Variants in KIAA1671 observed in about 807,000 individuals in gnomAD.
The protein encoded by KIAA1671 is KIAA1671.
A neutral mutation model predicts 131.2 loss-of-function variants in KIAA1671; 52 were observed. The observed-to-expected ratio is 0.40, with a 90% confidence interval of 0.32 to 0.50. The LOEUF is 0.50. Ranked by LOEUF, KIAA1671 falls within the 20% of genes least tolerant of loss-of-function variation. The probability of loss-of-function intolerance (pLI) is 0.73; values close to 1 mark genes in which losing one functional copy is unlikely to be tolerated. For synonymous variants in KIAA1671, 1,003 were observed against 961.6 expected, an observed-to-expected ratio of 1.04 and a Z score of -0.80; for missense variants, 2,360 against 2,364.2, an observed-to-expected ratio of 1.00 and a Z score of 0.04.
chr22:25,183,044 T>C (rs1450682163), intron 10 of KIAA1671, among the ~76,000 whole-genome samples: 3 of 151,652 alleles, frequency 2.0e-5, no homozygotes, highest in Non-Finnish European at 4.4e-5. Flanking sequence ...GGCACTTAAT[T>C]TGGGTGAGGA....
chr22:25,065,848 C>G (rs1435859080), intron 6 of KIAA1671, among the ~76,000 whole-genome samples: 1 of 152,022 alleles, frequency 6.6e-6, no homozygotes, highest in African/African-American at 2.4e-5. Context: ...AACATATTGT[C>G]CAGGTTGGTC....
intron 6 of KIAA1671, among the ~76,000 whole-genome samples, chr22:25,093,752 C>CTCTCTT (rs1568951058): frequency 6.1e-4 from 33 of 54,356 alleles, no homozygotes; most frequent in South Asian, 3.5e-3. Flanking sequence ...CTCTCTCTCT[C>CTCTCTT]TCTCTCTCTC....
At chr22:25,161,076 C>T (rs1824710445) in intron 6 of KIAA1671, among the ~76,000 whole-genome samples, 1 of 151,964 alleles carries the variant, frequency 6.6e-6, no homozygotes, top group Non-Finnish European at 1.5e-5. Context: ...CCCTCCTCAC[C>T]TCTCCCTTCT....
In KIAA1671 at chr22:25,193,687, T is replaced by G. The variant is rs866793552; in HGVS notation, c.*1286T>G. 1 of 152,226 alleles carries G rather than the reference T, an allele frequency of 6.6e-6. No homozygotes were observed. The highest frequency in any genetic ancestry group is 1.5e-5 in the Non-Finnish European group (1 of 68,072). 9.4% of individuals were successfully genotyped at this position (152,226 alleles called of 1,614,324 possible). ...GCATGGATAGAAATCCTCTGTTTCT[T>G]TAGGTTAGGATAAACACCTGGGCCC... is the stretch of plus-strand genomic sequence containing the variant. On this transcript the variant is annotated 3_prime_UTR_variant, in exon 13 of 13. Coordinates refer to ENST00000358431, the MANE Select transcript of KIAA1671 (RefSeq NM_001145206.2).
chr22:25,068,853 A>G (rs924780225), intron 6 of KIAA1671, among the ~76,000 whole-genome samples: 32 of 152,200 alleles, frequency 2.1e-4, no homozygotes, highest in African/African-American at 7.0e-4. Flanking sequence ...CAGTGTGCCA[A>G]GCTCCAGCCT....
In KIAA1671 at chr22:25,054,377, G is replaced by A. The variant is rs1213513644; in HGVS notation, c.4530+5013G>A. Reference sequence around the variant, plus strand: ...CTAGAAGTCCAAGATGAAGGAGCTAGCAAGGCTGGCTTCTAATGAGGCTCC... The same window carrying A: ...CTAGAAGTCCAAGATGAAGGAGCTAACAAGGCTGGCTTCTAATGAGGCTCC... On this transcript the variant is annotated intron_variant, in intron 6 of 12. Transcript: ENST00000358431. 2.7e-5 allele frequency: 4 copies of A among 149,678 alleles called. No individual in the cohort carries two copies. In the East Asian group the frequency reaches 7.9e-4, roughly 29 times the overall value. The allele number at this position is 149,678 out of a possible 1,614,324, so 9.3% of individuals were successfully genotyped here.
rs1315625221 is a variant in KIAA1671, at chr22:25,028,136, G to T, written c.137G>T (p.Arg46Leu). 4 of 1,551,020 alleles carry T rather than the reference G, an allele frequency of 2.6e-6. No homozygotes were observed. Among genetic ancestry groups the T allele is most frequent in the Non-Finnish European group, 3.5e-6 (4 of 1,146,728 alleles). The change falls in exon 3 of 13, where the codon CGG becomes CTG. Residue 46 changes from arginine (R) to leucine (L), a missense_variant. Coordinates refer to ENST00000358431, the MANE Select transcript of KIAA1671 (RefSeq NM_001145206.2). ...GAAGCCTCTGGGGCTCCCCCAGCCC[G>T]GATCTTGGAAGCGAAGAGCCCCCTG... Reference protein sequence around the residue: ...AGEASGAPPARILEAKSPLRS... With the variant: ...AGEASGAPPALILEAKSPLRS...
chr22:25,084,126 G>C (rs1349108466), intron 6 of KIAA1671, among the ~76,000 whole-genome samples: 1 of 152,236 alleles, frequency 6.6e-6, no homozygotes, highest in Non-Finnish European at 1.5e-5. Context: ...GCCAAGTTTA[G>C]TGTGGTCAGG....
intron 1 of KIAA1671, among the ~76,000 whole-genome samples, chr22:24,962,641 G>A (rs1328706908): frequency 6.6e-6 from 1 of 152,156 alleles, no homozygotes; most frequent in East Asian, 1.9e-4. Flanking sequence ...TAACACATAT[G>A]GCACTTGCTA....
At chr22:25,098,516 G>T (rs548895142) in intron 6 of KIAA1671, among the ~76,000 whole-genome samples, 1 of 152,142 alleles carries the variant, frequency 6.6e-6, no homozygotes, top group South Asian at 2.1e-4. Context: ...AAGCGGAAGG[G>T]TGCTGTGATA....
Position 25,038,848 on chromosome 22 carries a change from A to AGCCTG in KIAA1671, c.1720_1721insCTGGC (p.Gln574ProfsTer94). ...CTCCGGGATAAGTCCAGGCAGACGG[A>AGCCTG]GCAGAAGGTTAGCTCTAACCAAGAC... On this transcript the variant is annotated frameshift_variant, in exon 5 of 13. Transcript: ENST00000358431. LOFTEE classifies it high-confidence loss of function. 6.4e-7 allele frequency: 1 copy of AGCCTG among 1,551,660 alleles called. No homozygotes were observed. The highest frequency in any genetic ancestry group is 2.4e-5 in the East Asian group (1 of 40,906).
chr22:25,131,783 T>C (rs1932451423), intron 6 of KIAA1671, among the ~76,000 whole-genome samples: 1 of 152,232 alleles, frequency 6.6e-6, no homozygotes, highest in Admixed American at 6.5e-5. Flanking sequence ...GCAGGCTGGT[T>C]CCCTGTTCAG....
chr22:25,152,057 C>A (rs921610993), intron 6 of KIAA1671, among the ~76,000 whole-genome samples: 2 of 152,176 alleles, frequency 1.3e-5, no homozygotes. Flanking sequence ...TGACTGACTT[C>A]CTGTGTCAGT....
At chr22:25,154,439 A>G (rs956329470) in intron 6 of KIAA1671, among the ~76,000 whole-genome samples, 8 of 152,232 alleles carry the variant, frequency 5.3e-5, no homozygotes, top group African/African-American at 1.9e-4. Context: ...GGCATTGTTA[A>G]GGGTTGGCCA....
intron 6 of KIAA1671, among the ~76,000 whole-genome samples, chr22:25,122,853 T>C (rs1932008180): frequency 6.6e-6 from 1 of 151,982 alleles, no homozygotes; most frequent in Admixed American, 6.5e-5. Context: ...TGGGCGCCTG[T>C]AGTCCCAGCT....
In KIAA1671 at chr22:25,040,084, G is replaced by T; in HGVS notation, c.2954G>T (p.Ser985Ile). 6.4e-7 allele frequency: 1 copy of T among 1,551,680 alleles called. No homozygotes were observed. The change falls in exon 5 of 13, where the codon AGT (serine) becomes ATT (isoleucine). Residue 985 changes from serine to isoleucine, a missense_variant. Coordinates refer to ENST00000358431, the MANE Select transcript of KIAA1671 (RefSeq NM_001145206.2). Reference protein sequence around the residue: ...RRTDYVSPTASALRKPQLSHY... With the variant: ...RRTDYVSPTAIALRKPQLSHY... ...ACAGATTATGTGAGCCCCACAGCCA[G>T]TGCCTTAAGAAAACCTCAACTATCC...
At chr22:24,972,210 T>C (rs1025081636) in intron 1 of KIAA1671, among the ~76,000 whole-genome samples, 20 of 152,200 alleles carry the variant, frequency 1.3e-4, no homozygotes, top group Non-Finnish European at 2.5e-4. Flanking sequence ...AACTAAAATA[T>C]TGATCATAAA....
intron 6 of KIAA1671, among the ~76,000 whole-genome samples, chr22:25,114,436 G>C (rs972851830): frequency 2.0e-5 from 3 of 152,244 alleles, no homozygotes; most frequent in African/African-American, 7.2e-5. Flanking sequence ...GCCTGAGCAG[G>C]ATAAAGGCAG....
chr22:25,015,246 AAAGGC>A (rs1925245047), intron 1 of KIAA1671, among the ~76,000 whole-genome samples: 1 of 144,096 alleles, frequency 6.9e-6, no homozygotes, highest in Non-Finnish European at 1.5e-5. Context: ...AAAAAAAAAA[AAAGGC>A]AGCAGCAGCA....
Sources: gnomAD v4.1 joint callset for allele counts (sites outside exome capture counted in the v4.1 genomes callset) on GRCh38, gnomAD v4.1.1 for gene constraint, MANE v1.5 for transcripts, NCBI Gene and HGNC (gene_info 2026-07-23, HGNC 2026-07-21) for gene names.